The following ANKRD1 variants were observed in gnomAD, a reference collection of about 807,000 sequenced individuals.
ANKRD1 encodes the protein ankyrin repeat domain-containing protein 1.
In ANKRD1, 32 loss-of-function variants were observed where a neutral mutation model predicts 40.1. The ratio of observed to expected loss-of-function variants is 0.80; its 90% CI spans 0.60 to 1.07. The LOEUF (loss-of-function observed/expected upper bound fraction) is 1.07, where lower values mean the gene tolerates loss of function less well. Ranked by LOEUF, ANKRD1 falls within the 50% of genes least tolerant of loss-of-function variation. The pLI is 0.00. For missense variants in ANKRD1, 359 were observed against 386.0 expected (o/e 0.93, Z 0.59); for synonymous variants, 149 against 141.2 (o/e 1.06, Z -0.39).
Position 90,916,153 on chromosome 10 carries a change from AAGG to A in ANKRD1, c.651+15_651+17del. 3 of 1,585,626 alleles carry A rather than the reference AAGG, an allele frequency of 1.9e-6. No homozygotes were observed. The highest frequency in any genetic ancestry group is 2.6e-6 in the Non-Finnish European group (3 of 1,156,298). The stretch of plus-strand genomic sequence containing the variant: ...AGGGGGAGGGGGTGAATGAAGGGAG[AAGG>A]AGAAGAAGGAATACCTTATCTCGGG... On this transcript the variant is annotated intron_variant, in intron 6 of 8. Coordinates refer to ENST00000371697, the MANE Select transcript of ANKRD1 (RefSeq NM_014391.3).
At chr10:90,920,868 A>G (rs1429898766) in intron 1 of ANKRD1, 133 bp downstream of exon 1, 2 of 840,730 alleles carry the variant, frequency 2.4e-6, no homozygotes, top group East Asian at 2.6e-5. Context: ...GTTTCATCAC[A>G]TCAACCTTTT....
Position 90,912,711 on chromosome 10 carries a change from C to T in ANKRD1, c.*155G>A. 7 of 693,082 alleles carry T rather than the reference C, an allele frequency of 1.0e-5. No homozygotes were observed. The highest frequency in any genetic ancestry group is 1.8e-5 in the Non-Finnish European group (7 of 393,502). The allele number at this position is 693,082 out of a possible 1,614,324, so 42.9% of individuals were successfully genotyped here. A position where few individuals can be genotyped will look rare whatever the true frequency, so the allele number is the denominator to read the frequency against. On this transcript the variant is annotated 3_prime_UTR_variant, in exon 9 of 9. Coordinates refer to ENST00000371697, the MANE Select transcript of ANKRD1 (RefSeq NM_014391.3). Reference sequence around the variant, plus strand: ...AGAGTTTCACTAAAGGAAATTTAAACACCTATAACCCTGTGCTTTCTCAAA... The same window carrying T: ...AGAGTTTCACTAAAGGAAATTTAAATACCTATAACCCTGTGCTTTCTCAAA...
In ANKRD1 at chr10:90,914,518, T is replaced by G. The variant is rs182141769; in HGVS notation, c.849+1025A>C. Among the ~76,000 whole-genome samples, 18 of 152,308 alleles carry G rather than the reference T, an allele frequency of 1.2e-4. 1 individual carries two copies. Among genetic ancestry groups the G allele is most frequent in the African/African-American group, 4.3e-4 (18 of 41,568 alleles). Reference sequence around the variant, plus strand: ...CTTTTTCTGATAGTTTAAAAAAATATTAGATAGGATCAATTCCAATATCTA... The same window carrying G: ...CTTTTTCTGATAGTTTAAAAAAATAGTAGATAGGATCAATTCCAATATCTA... On this transcript the variant is annotated intron_variant, in intron 8 of 8. Coordinates refer to ENST00000371697, the MANE Select transcript of ANKRD1 (RefSeq NM_014391.3).
At position 90,912,291 on chromosome 10, in the gene ANKRD1, T is replaced by TAAA. The variant is rs71025330; in HGVS notation, c.*572_*574dup. The TAAA allele has an allele frequency of 0.023, 1,590 of 70,564 alleles. 113 individuals carry two copies. The highest frequency in any genetic ancestry group is 0.057 in the Middle Eastern group (5 of 88). The allele number at this position is 70,564 out of a possible 1,614,324, so 4.4% of individuals were successfully genotyped here. A position where few individuals can be genotyped will look rare whatever the true frequency, so the allele number is the denominator to read the frequency against. On this transcript the variant is annotated 3_prime_UTR_variant, in exon 9 of 9. Coordinates refer to ENST00000371697, the MANE Select transcript of ANKRD1 (RefSeq NM_014391.3). Reference sequence around the variant, plus strand: ...TCACTTGGGTACTCTGTGTACTCGGTAAAAAAAAAAAAAAAAAAAAAAAAA... The same window carrying TAAA: ...TCACTTGGGTACTCTGTGTACTCGGTAAAAAAAAAAAAAAAAAAAAAAAAAAAA...
In ANKRD1 at chr10:90,916,202, T is replaced by C; in HGVS notation, c.620A>G (p.Asn207Ser). 1 of 1,613,948 alleles carries C rather than the reference T, an allele frequency of 6.2e-7. No individual in the cohort carries two copies. The highest frequency in any genetic ancestry group is 8.5e-7 in the Non-Finnish European group (1 of 1,179,940). The change falls in exon 6 of 9, where the codon AAT (asparagine) becomes AGT (serine). Residue 207 changes from asparagine to serine, a missense_variant. By Grantham distance (46) the Asn-to-Ser change is conservative. Coordinates refer to ENST00000371697, the MANE Select transcript of ANKRD1 (RefSeq NM_014391.3). ...TCGGGCGCTAATTTTTGCTCCTTTA[T>C]TCAGCAACAATTTTAAAACATCCAG... ...GNLDVLKLLLNKGAKISARDK... is the reference protein window; with the variant it reads ...GNLDVLKLLLSKGAKISARDK...
chr10:90,920,486 G>T, intron 1 of ANKRD1, 138 bp from the exon 2 acceptor site: 1 of 873,742 alleles, frequency 1.1e-6, no homozygotes, highest in Non-Finnish European at 1.9e-6. Flanking sequence ...CAGATCTCAA[G>T]CTGCGATGCA....
rs919994162 is a variant in ANKRD1 at position 90,914,726 on chromosome 10, C to G, written c.849+817G>C. Among the ~76,000 whole-genome samples, 17 of 119,354 alleles carry G rather than the reference C, an allele frequency of 1.4e-4. No homozygotes were observed. In the East Asian group the frequency reaches 2.2e-3, roughly 15 times the overall value. 78.3% of individuals were successfully genotyped at this position (119,354 alleles called of 152,430 possible). On this transcript the variant is annotated intron_variant, in intron 8 of 8. Coordinates refer to ENST00000371697, the MANE Select transcript of ANKRD1 (RefSeq NM_014391.3). ...TATGATGACTGAGTTTCCCTCCCCC[C>G]CCCCCCACTCTTTTTTGTAAAGTGA...
Position 90,916,759 on chromosome 10 carries a change from A to G in ANKRD1, c.553-490T>C, listed in dbSNP as rs551970867. ...AAATGTACACAAAAGTTCTAAACAC[A>G]TGTATTTAAAAATTTTGGCAGAATA... is the stretch of plus-strand genomic sequence containing the variant. On this transcript the variant is annotated intron_variant, in intron 5 of 8. Transcript: ENST00000371697. 5.3e-5 allele frequency among the ~76,000 whole-genome samples: 8 copies of G among 152,316 alleles called. No homozygotes were observed. The East Asian group carries it at 1.5e-3, about 29-fold the overall frequency.
intron 3 of ANKRD1, 60 bp downstream of exon 3, chr10:90,919,071 T>C (rs1369735412): frequency 6.2e-7 from 1 of 1,606,356 alleles, no homozygotes; most frequent in Non-Finnish European, 8.5e-7. Context: ...CACAGATATT[T>C]GCTCCCCTGT....
intron 6 of ANKRD1, 78 bp from the exon 7 acceptor site, chr10:90,915,958 G>A: frequency 2.1e-6 from 3 of 1,439,154 alleles, no homozygotes; most frequent in Non-Finnish European, 2.9e-6. Context: ...ATGTGCGAGG[G>A]GGAGAAGTGG....
In ANKRD1 at chr10:90,917,813, A is replaced by C; in HGVS notation, c.471T>G (p.Leu157=). ...AATGTCCTTCCAAGCATGCTCTATG[A>C]AGAGCTGTCCGTTTATACTATCAGA... is the stretch of plus-strand genomic sequence containing the variant. ...DVCDEYKRTA[L]HRACLEGHLA... is the part of the protein sequence containing the mutation. The change falls in exon 5 of 9, where the codon CTT becomes CTG. Residue 157 remains leucine, a synonymous_variant. Coordinates refer to ENST00000371697, the MANE Select transcript of ANKRD1 (RefSeq NM_014391.3). 2 of 1,613,888 alleles carry C rather than the reference A, an allele frequency of 1.2e-6. No individual in the cohort carries two copies. Among genetic ancestry groups the C allele is most frequent in the African/African-American group, 2.7e-5 (2 of 75,048 alleles).
Position 90,912,984 on chromosome 10 carries a change from AATGAG to A in ANKRD1, c.850-13_850-9del, listed in dbSNP as rs1847333549. 6.2e-7 allele frequency: 1 copy of A among 1,613,250 alleles called. No homozygotes were observed. Among genetic ancestry groups the A allele is most frequent in the Non-Finnish European group, 8.5e-7 (1 of 1,179,316 alleles). On this transcript the variant is annotated splice_polypyrimidine_tract_variant and intron_variant, in intron 8 of 8. Transcript: ENST00000371697. ...CATCGGCGTCTTCCCAGCCTAATCA[AATGAG>A]ATAAGGAAAGTTGACTTTCAGGTGG... is the stretch of plus-strand genomic sequence containing the variant.
chr10:90,918,764 C>G (rs535211926), intron 4 of ANKRD1, 101 bp downstream of exon 4: 1 of 982,608 alleles, frequency 1.0e-6, no homozygotes, highest in East Asian at 2.6e-5. Flanking sequence ...GAAACTGTTT[C>G]AGGTGGAAGG....
chr10:90,920,428 T>G (rs1046496306), intron 1 of ANKRD1, 80 bp from the exon 2 acceptor site: 1 of 1,531,802 alleles, frequency 6.5e-7, no homozygotes, highest in East Asian at 2.2e-5. Context: ...CGCAGGAGGC[T>G]CTTGGTCCTT....
rs397517250 is a variant in ANKRD1, at chr10:90,918,981, A to AAAATAAAT, written c.346-17_346-10dup. On this transcript the variant is annotated splice_polypyrimidine_tract_variant and intron_variant, in intron 3 of 8. Transcript: ENST00000371697. ...ACATCCACAGGTTCCGTCTAAAGCC[A>AAAATAAAT]AAATAAATAAATATATATATATATA... is the stretch of plus-strand genomic sequence containing the variant. The AAAATAAAT allele has an allele frequency of 7.9e-7, 1 of 1,270,946 alleles. No individual in the cohort carries two copies. The highest frequency in any genetic ancestry group is 2.3e-5 in the African/African-American group (1 of 44,034). 78.7% of individuals were successfully genotyped at this position (1,270,946 alleles called of 1,614,324 possible). A position where few individuals can be genotyped will look rare whatever the true frequency, so the allele number is the denominator to read the frequency against.
chr10:90,919,121 A>C lies in ANKRD1; in HGVS notation c.345+10T>G. ...CATGTATTACTGGAAACCAAAAAAA[A>C]AGCCCTTACAATGATTTCAGGTTCT... On this transcript the variant is annotated intron_variant, in intron 3 of 8. Transcript: ENST00000371697. 6.2e-7 allele frequency: 1 copy of C among 1,612,908 alleles called. No individual in the cohort carries two copies. Among genetic ancestry groups the C allele is most frequent in the Non-Finnish European group, 8.5e-7 (1 of 1,179,728 alleles).
intron 8 of ANKRD1, 142 bp downstream of exon 8, chr10:90,915,401 G>A: frequency 1.3e-6 from 1 of 767,368 alleles, no homozygotes; most frequent in Non-Finnish European, 2.2e-6. Flanking sequence ...GATAAACACT[G>A]TCCTTGGGGA....
In ANKRD1 at chr10:90,918,910, T is replaced by C. The variant is rs553630745; in HGVS notation, c.408A>G (p.Val136=). The part of the protein sequence containing the change: ...KAALENKLPV[V]EKFLSDKNNP... Reference sequence around the variant, plus strand: ...TGTTCTTGTCTGACAAGAATTTTTCTACTACTGGCAGTTTATTCTCCAGAG... The same window carrying C: ...TGTTCTTGTCTGACAAGAATTTTTCCACTACTGGCAGTTTATTCTCCAGAG... The change falls in exon 4 of 9, where the codon GTA becomes GTG. Residue 136 remains valine (V), a synonymous_variant. Coordinates refer to ENST00000371697, the MANE Select transcript of ANKRD1 (RefSeq NM_014391.3). 2.5e-6 allele frequency: 4 copies of C among 1,612,250 alleles called. No homozygotes were observed. The highest frequency in any genetic ancestry group is 1.7e-4 in the Middle Eastern group (1 of 6,058).
rs17102330 is a variant in ANKRD1, at chr10:90,912,500, C to T, written c.*366G>A. On this transcript the variant is annotated 3_prime_UTR_variant, in exon 9 of 9. Coordinates refer to ENST00000371697, the MANE Select transcript of ANKRD1 (RefSeq NM_014391.3). ...CCTCTCTTAAAAACTCTTACATGAG[C>T]GAATGACACATAAGTAGGCACTTGA... The T allele has an allele frequency of 0.012, 3,240 of 263,790 alleles. 32 individuals carry two copies. The highest frequency in any genetic ancestry group is 0.019 in the Non-Finnish European group (2,570 of 134,538). The allele number at this position is 263,790 out of a possible 1,614,324, so 16.3% of individuals were successfully genotyped here. A position where few individuals can be genotyped will look rare whatever the true frequency, so the allele number is the denominator to read the frequency against.
Sources: allele counts gnomAD v4.1 joint callset (sites outside exome capture counted in the v4.1 genomes callset), GRCh38; gene constraint gnomAD v4.1.1; transcripts MANE v1.5; gene names NCBI Gene and HGNC (gene_info 2026-07-23, HGNC 2026-07-21).